The following PIR variants were observed in gnomAD, a reference collection of about 807,000 sequenced individuals.
The protein encoded by PIR is pirin, also known as pirin (iron-binding nuclear protein).
PIR carries 22 observed loss-of-function variants against 24.2 expected under a neutral mutation model. The observed-to-expected ratio is 0.91, with a 90% CI of 0.65 to 1.30. The LOEUF is 1.30. Ranked by LOEUF, PIR falls within the 50% of genes most tolerant of loss-of-function variation. The pLI, the probability that PIR is intolerant of heterozygous loss-of-function variation, is 0.00. For missense variants in PIR, 220 were observed against 220.3 expected, an observed-to-expected ratio of 1.00 and a Z score of 0.01; for synonymous variants, 80 against 79.6, an observed-to-expected ratio of 1.00 and a Z score of -0.03.
chrX:15,427,149 A>G (rs1235510900), intron 5 of PIR, among the ~76,000 whole-genome samples: 1 of 111,590 alleles, frequency 9.0e-6, no homozygotes, highest in African/African-American at 3.3e-5. Flanking sequence ...CCATTTCTAC[A>G]AAGTTCAAAA....
intron 5 of PIR, among the ~76,000 whole-genome samples, chrX:15,443,481 TTTA>T (rs1424253195): frequency 9.0e-6 from 1 of 111,439 alleles, no homozygotes; most frequent in African/African-American, 3.3e-5. Flanking sequence ...AAAATTACTC[TTTA>T]TTATAATTCA....
At chrX:15,491,884 C>T (rs899713898) in intron 1 of PIR, among the ~76,000 whole-genome samples, 5 of 110,949 alleles carry the variant, frequency 4.5e-5, no homozygotes, top group Admixed American at 9.5e-5. Flanking sequence ...GCTTGCACAA[C>T]GACAAAATCA....
intron 2 of PIR, among the ~76,000 whole-genome samples, chrX:15,483,177 A>G (rs1922610403): frequency 1.9e-5 from 2 of 107,821 alleles, no homozygotes; most frequent in Non-Finnish European, 3.8e-5. Flanking sequence ...ATATATATAA[A>G]TTCAACAAGC....
In PIR at chrX:15,463,986, G is replaced by A. The variant is rs1269004420; in HGVS notation, c.190-4246C>T. Among the ~76,000 whole-genome samples, 4 of 112,539 alleles carry A rather than the reference G, an allele frequency of 3.6e-5. No individual in the cohort carries two copies. In the Admixed American group the frequency reaches 3.8e-4, roughly 11 times the overall value. On this transcript the variant is annotated intron_variant, in intron 3 of 9. Transcript: ENST00000380420. ...TGCAATATTTACTGCAATAGCAAAA[G>A]ACAGGGACATTCTGGATGATAGGTT... is the stretch of plus-strand genomic sequence containing the variant.
At chrX:15,407,616 G>T in intron 6 of PIR, 66 bp from the exon 7 acceptor site, 3 of 781,663 alleles carry the variant, frequency 3.8e-6, no homozygotes, top group Non-Finnish European at 5.9e-6. Context: ...AGACATATAC[G>T]TATTACAAAC....
At chrX:15,404,032 G>A (rs939121085) in intron 7 of PIR, among the ~76,000 whole-genome samples, 9 of 100,544 alleles carry the variant, frequency 9.0e-5, no homozygotes, top group East Asian at 6.1e-4. Context: ...CAAGAGTCCC[G>A]CTCTGTTGCC....
intron 2 of PIR, among the ~76,000 whole-genome samples, chrX:15,488,736 G>C (rs766177877): frequency 9.9e-5 from 11 of 111,597 alleles, no homozygotes; most frequent in African/African-American, 3.6e-4. Flanking sequence ...CCTTAGGGTA[G>C]AGTCATACCT....
intron 5 of PIR, among the ~76,000 whole-genome samples, chrX:15,433,734 A>C (rs1329685387): frequency 5.2e-5 from 1 of 19,247 alleles, no homozygotes. Flanking sequence ...AAGGAGAAAG[A>C]AGGAGGAGGA....
At chrX:15,490,385 CA>C (rs1237498279) in intron 2 of PIR, among the ~76,000 whole-genome samples, 1 of 111,487 alleles carries the variant, frequency 9.0e-6, no homozygotes, top group Non-Finnish European at 1.9e-5. Flanking sequence ...TTAAGAGGGA[CA>C]AACCAGTCTC....
chrX:15,401,151 T>C (rs1371884813), intron 7 of PIR, among the ~76,000 whole-genome samples: 1 of 109,974 alleles, frequency 9.1e-6, no homozygotes, highest in East Asian at 2.8e-4. Flanking sequence ...CTCTGGGGCT[T>C]AAGTGATCCT....
chrX:15,434,504 T>C (rs886307257), intron 5 of PIR, among the ~76,000 whole-genome samples: 1 of 110,364 alleles, frequency 9.1e-6, no homozygotes, highest in African/African-American at 3.3e-5. Context: ...GATTACCACC[T>C]CTGGTTTGGC....
intron 3 of PIR, among the ~76,000 whole-genome samples, chrX:15,465,268 C>T (rs1031840099): frequency 1.3e-4 from 7 of 53,526 alleles, no homozygotes; most frequent in African/African-American, 1.1e-3. Context: ...AACATACTTT[C>T]AGCCTTTGGG....
At chrX:15,469,582 G>A (rs975305538) in intron 3 of PIR, among the ~76,000 whole-genome samples, 8 of 111,916 alleles carry the variant, frequency 7.1e-5, no homozygotes, top group African/African-American at 2.3e-4. Context: ...GGAGTAATTC[G>A]TGGAGGAGGA....
chrX:15,403,774 G>A, intron 7 of PIR, among the ~76,000 whole-genome samples: 1 of 111,190 alleles, frequency 9.0e-6, no homozygotes. Context: ...TAAAAATTAA[G>A]AAGATCCTTG....
chrX:15,480,483 C>G (rs778479930), intron 2 of PIR, among the ~76,000 whole-genome samples: 1 of 111,725 alleles, frequency 9.0e-6, no homozygotes, highest in East Asian at 2.8e-4. Flanking sequence ...TATTCTGTAT[C>G]CTAAACAGAT....
chrX:15,466,006 GTTT>G (rs200803758), intron 3 of PIR, among the ~76,000 whole-genome samples: 263 of 63,065 alleles, frequency 4.2e-3, no homozygotes, highest in African/African-American at 0.01. Flanking sequence ...AATGGTGGCT[GTTT>G]TTTTTTTTTT....
At chrX:15,388,526 G>T (rs1239616497) in intron 9 of PIR, among the ~76,000 whole-genome samples, 2 of 112,139 alleles carry the variant, frequency 1.8e-5, no homozygotes, top group African/African-American at 6.5e-5. Context: ...AAGGTTAGAC[G>T]GATTAACATT....
chrX:15,474,930 C>G (rs1817957878), intron 3 of PIR, among the ~76,000 whole-genome samples: 1 of 111,842 alleles, frequency 8.9e-6, no homozygotes, highest in African/African-American at 3.3e-5. Flanking sequence ...AGGAATATAG[C>G]TAATATCTCA....
chrX:15,470,591 T>C (rs1231393694), intron 3 of PIR, among the ~76,000 whole-genome samples: 1 of 76,590 alleles, frequency 1.3e-5, no homozygotes, highest in Non-Finnish European at 2.6e-5. Context: ...TTTCTTTCTT[T>C]CTTTCTTTCT....
Sources: gnomAD v4.1 joint callset for allele counts (sites outside exome capture counted in the v4.1 genomes callset) on GRCh38, gnomAD v4.1.1 for gene constraint, MANE v1.5 for transcripts, NCBI Gene and HGNC (gene_info 2026-07-23, HGNC 2026-07-21) for gene names.